TAPT1: variants seen among roughly 807,000 people sequenced by gnomAD.
TAPT1 encodes the protein transmembrane anterior posterior transformation 1, also known as transmembrane anterior posterior transformation protein 1 homolog.
In TAPT1, 28 loss-of-function variants were observed where a neutral mutation model predicts 65.6. That is an observed-to-expected ratio of 0.43 (90% CI 0.32 to 0.59). The LOEUF (loss-of-function observed/expected upper bound fraction) is 0.59, where lower values mean the gene tolerates loss of function less well. Ranked by LOEUF, TAPT1 falls within the 20% of genes least tolerant of loss-of-function variation. TAPT1 has a pLI of 0.09. For synonymous variants in TAPT1, 278 were observed against 245.2 expected (o/e 1.13, Z -1.25); for missense variants, 563 against 679.9 (o/e 0.83, Z 1.91).
chr4:16,173,183 T>C (rs539495254), intron 11 of TAPT1, among the ~76,000 whole-genome samples: 4 of 152,162 alleles, frequency 2.6e-5, no homozygotes, highest in Non-Finnish European at 4.4e-5. Context: ...CAAATACAAG[T>C]GCAGCCAGCA....
intron 4 of TAPT1, chr4:16,190,687 T>G (rs1432951145): frequency 6.5e-6 from 1 of 154,844 alleles, no homozygotes; most frequent in African/African-American, 2.4e-5. Flanking sequence ...TAGCTTACTA[T>G]TTAAAAAACT....
intron 12 of TAPT1, among the ~76,000 whole-genome samples, chr4:16,168,363 C>T (rs773142739): frequency 6.6e-6 from 1 of 152,162 alleles, no homozygotes; most frequent in African/African-American, 2.4e-5. Context: ...TCCCACCCAG[C>T]CTGCCAAAGT....
At chr4:16,205,059 C>A (rs909632491) in intron 2 of TAPT1, among the ~76,000 whole-genome samples, 1 of 152,042 alleles carries the variant, frequency 6.6e-6, no homozygotes, top group Non-Finnish European at 1.5e-5. Context: ...CTGAAAAATA[C>A]CTGCCTCAAG....
chr4:16,219,927 AT>A (rs1324423628), intron 1 of TAPT1, among the ~76,000 whole-genome samples: 1 of 152,198 alleles, frequency 6.6e-6, no homozygotes, highest in African/African-American at 2.4e-5. Context: ...GACAATTATA[AT>A]TTGGCTGTGA....
chr4:16,194,739 C>T (rs970892151), intron 3 of TAPT1, among the ~76,000 whole-genome samples: 2 of 152,022 alleles, frequency 1.3e-5, no homozygotes, highest in African/African-American at 4.8e-5. Flanking sequence ...TGGAAGCGTT[C>T]CATCCATTGC....
chr4:16,163,788 C>A (rs550992600), intron 13 of TAPT1, among the ~76,000 whole-genome samples: 3 of 152,152 alleles, frequency 2.0e-5, no homozygotes, highest in African/African-American at 7.2e-5. Context: ...AATGCCATCA[C>A]CCAACTGCAG....
At position 16,211,665 on chromosome 4, in the gene TAPT1, G is replaced by T. The variant is rs559293224; in HGVS notation, c.330+2103C>A. Among the ~76,000 whole-genome samples, 5 of 152,258 alleles carry T rather than the reference G, an allele frequency of 3.3e-5. No individual in the cohort carries two copies. In the East Asian group the frequency reaches 9.6e-4, roughly 29 times the overall value. The stretch of plus-strand genomic sequence containing the variant: ...ATTACAATTGTGTATGAGCAGTGTT[G>T]ATGCAACTTTTCTGACATTATACAT... On this transcript the variant is annotated intron_variant, in intron 2 of 13. Coordinates refer to ENST00000405303, the MANE Select transcript of TAPT1 (RefSeq NM_153365.3).
intron 7 of TAPT1, 143 bp from the exon 8 acceptor site, chr4:16,179,800 A>ATG (rs1469408304): frequency 5.0e-5 from 20 of 402,588 alleles, no homozygotes; most frequent in African/African-American, 3.4e-4. Flanking sequence ...ATATATATAT[A>ATG]TATGTGTGTG....
chr4:16,217,148 G>A (rs1750987330), intron 1 of TAPT1, among the ~76,000 whole-genome samples: 1 of 152,134 alleles, frequency 6.6e-6, no homozygotes, highest in Non-Finnish European at 1.5e-5. Flanking sequence ...AGTTTCTCAG[G>A]CAGAGTCTGT....
rs1258170392 is a variant in TAPT1, at chr4:16,188,316, A to G, written c.652T>C (p.Leu218=). 2 of 1,608,536 alleles carry G rather than the reference A, an allele frequency of 1.2e-6. No individual in the cohort carries two copies. Among genetic ancestry groups the G allele is most frequent in the African/African-American group, 1.3e-5 (1 of 74,790 alleles). ...GTTGCTGTCCAATAGAGAGCATCTAATATGTCTTGTCCAAAAGATGAAAAC... is the reference window on the plus strand; with the variant it reads ...GTTGCTGTCCAATAGAGAGCATCTAGTATGTCTTGTCCAAAAGATGAAAAC... ...RLFSSFGQDI[L]DALYWTATEP... is the part of the protein sequence containing the mutation. Residue 218 remains leucine (L), a synonymous_variant, in exon 5 of 14, where the codon TTA becomes CTA. Coordinates refer to ENST00000405303, the MANE Select transcript of TAPT1 (RefSeq NM_153365.3).
At chr4:16,202,927 A>C (rs183712722) in intron 2 of TAPT1, among the ~76,000 whole-genome samples, 13 of 152,298 alleles carry the variant, frequency 8.5e-5, no homozygotes, top group African/African-American at 2.9e-4. Context: ...AGAATGCTTC[A>C]TTGATGGGAA....
intron 3 of TAPT1, 45 bp from the exon 4 acceptor site, chr4:16,191,568 T>G (rs1265544362): frequency 6.6e-7 from 1 of 1,514,104 alleles, no homozygotes; most frequent in African/African-American, 1.4e-5. Flanking sequence ...TTACTCTGTA[T>G]GTTCTCACAA....
In TAPT1 at chr4:16,163,292, G is replaced by A. The variant is rs771615888; in HGVS notation, c.*16C>T. On this transcript the variant is annotated 3_prime_UTR_variant, in exon 14 of 14. Transcript: ENST00000405303. ...TGCCCCAGGACCCAGCTTCTTCAGCGCATGAAGCCACAGATTCAGTCAATT... is the reference window on the plus strand; with the variant it reads ...TGCCCCAGGACCCAGCTTCTTCAGCACATGAAGCCACAGATTCAGTCAATT... 7.5e-6 allele frequency: 12 copies of A among 1,597,936 alleles called. No homozygotes were observed. Among genetic ancestry groups the A allele is most frequent in the South Asian group, 6.6e-5 (6 of 90,792 alleles).
intron 12 of TAPT1, among the ~76,000 whole-genome samples, chr4:16,168,576 A>T (rs1339219531): frequency 6.6e-6 from 1 of 152,038 alleles, no homozygotes; most frequent in Admixed American, 6.5e-5. Flanking sequence ...TCCCTTCCTT[A>T]CTGAAACACC....
At chr4:16,226,919 C>T (rs1322460018), upstream of TAPT1, 2 of 379,826 alleles carry the variant, frequency 5.3e-6, no homozygotes, top group African/African-American at 2.2e-5. Context: ...GCGGTCCGCT[C>T]AGGGCCTCTT....
In TAPT1 at chr4:16,207,130, T is replaced by G. The variant is rs575632923; in HGVS notation, c.331-4550A>C. Among the ~76,000 whole-genome samples, 26 of 152,324 alleles carry G rather than the reference T, an allele frequency of 1.7e-4. No homozygotes were observed. In the South Asian group the frequency reaches 5.4e-3, roughly 32 times the overall value. The stretch of plus-strand genomic sequence containing the variant: ...CTGGGGGACAAGGAGGGGGAACATC[T>G]GCACAAGGGTGTGTCACCAGCAAGA... On this transcript the variant is annotated intron_variant, in intron 2 of 13. Coordinates refer to ENST00000405303, the MANE Select transcript of TAPT1 (RefSeq NM_153365.3).
At chr4:16,168,371 A>C (rs776527362) in intron 12 of TAPT1, among the ~76,000 whole-genome samples, 1 of 152,140 alleles carries the variant, frequency 6.6e-6, no homozygotes, top group Non-Finnish European at 1.5e-5. Flanking sequence ...AGCCTGCCAA[A>C]GTCCTGGGGC....
intron 1 of TAPT1, 137 bp from the exon 2 acceptor site, chr4:16,214,035 C>G (rs1750792893): frequency 1.6e-6 from 1 of 608,464 alleles, no homozygotes; most frequent in South Asian, 3.8e-5. Flanking sequence ...ATGCCTAGAA[C>G]TGCACACAAT....
chr4:16,166,952 T>G, intron 12 of TAPT1, 159 bp from the exon 13 acceptor site: 3 of 510,120 alleles, frequency 5.9e-6, no homozygotes, highest in Non-Finnish European at 6.7e-6. Context: ...TTCTGAGGCC[T>G]CCTTGTCACA....
Sources: allele counts gnomAD v4.1 joint callset (sites outside exome capture counted in the v4.1 genomes callset), GRCh38; gene constraint gnomAD v4.1.1; transcripts MANE v1.5; gene names NCBI Gene and HGNC (gene_info 2026-07-23, HGNC 2026-07-21).